The following RBMS3 variants were observed in gnomAD, a reference collection of about 807,000 sequenced individuals.
RBMS3 encodes the protein RNA-binding motif, single-stranded-interacting protein 3.
Under a neutral mutation model 66.8 loss-of-function variants are expected in RBMS3, and 27 were observed. That is an observed-to-expected ratio of 0.40 (90% CI 0.30 to 0.56). The LOEUF is 0.56. RBMS3 is among the 20% of genes least tolerant of loss of function. The pLI is 0.40. For missense variants in RBMS3, 513 were observed against 549.5 expected (o/e 0.93, Z 0.66); for synonymous variants, 188 against 183.0 (o/e 1.03, Z -0.22).
intron 1 of RBMS3, among the ~76,000 whole-genome samples, chr3:29,353,084 A>G (rs2037016601): frequency 1.3e-5 from 2 of 151,962 alleles, no homozygotes; most frequent in Non-Finnish European, 2.9e-5. Flanking sequence ...TGTTCCTAAT[A>G]TATTTTTAAT....
chr3:29,991,552 A>C (rs3773127), intron 14 of RBMS3: 42,871 of 235,130 alleles, frequency 0.18, 4,623 homozygotes, highest in East Asian at 0.36. Context: ...AATTTCAAGA[A>C]TAGTAAAGAG....
chr3:29,500,228 C>T (rs1251328821), intron 3 of RBMS3, among the ~76,000 whole-genome samples: 1 of 151,066 alleles, frequency 6.6e-6, no homozygotes, highest in Non-Finnish European at 1.5e-5. Flanking sequence ...AATTTCACAT[C>T]TAAGATATAA....
chr3:29,551,990 T>C (rs1269141007), intron 3 of RBMS3, among the ~76,000 whole-genome samples: 1 of 138,034 alleles, frequency 7.2e-6, no homozygotes, highest in East Asian at 2.0e-4. Flanking sequence ...ATAAAAATTG[T>C]TCTAACTCAC....
At chr3:29,802,833 C>A (rs1175442933) in intron 6 of RBMS3, among the ~76,000 whole-genome samples, 2 of 152,064 alleles carry the variant, frequency 1.3e-5, no homozygotes, top group Non-Finnish European at 2.9e-5. Flanking sequence ...GTAGTTGTAA[C>A]ATTTATAAAA....
Position 29,897,404 on chromosome 3 carries a change from G to A in RBMS3, c.817G>A (p.Ala273Thr). Residue 273 changes from alanine (A) to threonine (T), a missense_variant, in exon 9 of 15, where the codon GCA becomes ACA. Transcript: ENST00000383767. ...ATTTTATTCTTCACCGTACAGTATT[G>A]CAACCAACCGCATGATTCCACAGAC... ...NGFYSSPYSI[A>T]TNRMIPQTSI... 3 of 1,610,858 alleles carry A rather than the reference G, an allele frequency of 1.9e-6. No individual in the cohort carries two copies. The highest frequency in any genetic ancestry group is 2.5e-6 in the Non-Finnish European group (3 of 1,177,948).
chr3:29,342,996 A>G (rs1188298485), intron 1 of RBMS3, among the ~76,000 whole-genome samples: 1 of 152,192 alleles, frequency 6.6e-6, no homozygotes, highest in Non-Finnish European at 1.5e-5. Context: ...TAGGGCTATT[A>G]GGAAAGAATT....
intron 8 of RBMS3, among the ~76,000 whole-genome samples, chr3:29,888,942 C>G (rs1370549413): frequency 6.6e-6 from 1 of 151,538 alleles, no homozygotes; most frequent in African/African-American, 2.4e-5. Flanking sequence ...CTTTTTACTC[C>G]CTTTAATATA....
intron 6 of RBMS3, among the ~76,000 whole-genome samples, chr3:29,848,128 C>G (rs988776166): frequency 6.6e-6 from 1 of 152,152 alleles, no homozygotes; most frequent in African/African-American, 2.4e-5. Context: ...TTCTCAGTTT[C>G]TGTTGGACAT....
At chr3:29,527,771 C>T (rs1300052718) in intron 3 of RBMS3, among the ~76,000 whole-genome samples, 1 of 151,804 alleles carries the variant, frequency 6.6e-6, no homozygotes, top group Non-Finnish European at 1.5e-5. Context: ...TTAGGTATAT[C>T]TCATAATGCT....
intron 4 of RBMS3, among the ~76,000 whole-genome samples, chr3:29,645,084 A>G (rs2049865998): frequency 6.6e-6 from 1 of 152,208 alleles, no homozygotes; most frequent in African/African-American, 2.4e-5. Context: ...TGTCACAAAT[A>G]AAAAGAATAC....
intron 3 of RBMS3, among the ~76,000 whole-genome samples, chr3:29,515,242 A>G (rs2044576752): frequency 6.6e-6 from 1 of 152,230 alleles, no homozygotes; most frequent in South Asian, 2.1e-4. Context: ...GAAAAGATTT[A>G]CCTGGAAAAG....
In RBMS3 at chr3:29,665,788, C is replaced by G. The variant is rs146881629; in HGVS notation, c.400-73932C>G. On this transcript the variant is annotated intron_variant, in intron 4 of 14. Transcript: ENST00000383767. ...AAAATTAATTAATTATCACTTGCAT[C>G]TGGTACAGAGGTAGGGATTCTATAT... is the stretch of plus-strand genomic sequence containing the variant. Among the ~76,000 whole-genome samples, 1,152 of 152,268 alleles carry G rather than the reference C, an allele frequency of 7.6e-3. 42 individuals carry two copies. The highest frequency in any genetic ancestry group is 0.061 in the Admixed American group (926 of 15,286).
At chr3:29,718,924 G>A (rs1280320241) in intron 4 of RBMS3, among the ~76,000 whole-genome samples, 4 of 152,162 alleles carry the variant, frequency 2.6e-5, no homozygotes, top group African/African-American at 9.7e-5. Context: ...GCATTCCTCC[G>A]TGAATATTAG....
intron 6 of RBMS3, among the ~76,000 whole-genome samples, chr3:29,816,319 C>G (rs1394440128): frequency 1.5e-5 from 2 of 130,548 alleles, no homozygotes; most frequent in African/African-American, 5.6e-5. Flanking sequence ...CAGACACACA[C>G]ACACACACAC....
intron 5 of RBMS3, among the ~76,000 whole-genome samples, chr3:29,744,742 C>T (rs553225743): frequency 6.7e-6 from 1 of 149,672 alleles, no homozygotes; most frequent in African/African-American, 2.5e-5. Flanking sequence ...TGAGATCACA[C>T]CATTGCACTC....
At chr3:29,512,084 T>G (rs1341009862) in intron 3 of RBMS3, among the ~76,000 whole-genome samples, 1 of 152,086 alleles carries the variant, frequency 6.6e-6, no homozygotes, top group Admixed American at 6.5e-5. Flanking sequence ...CTCCTTTTCC[T>G]TATCATTTCT....
chr3:29,579,044 A>G (rs889093631), intron 3 of RBMS3, among the ~76,000 whole-genome samples: 1 of 145,088 alleles, frequency 6.9e-6, no homozygotes, highest in Non-Finnish European at 1.5e-5. Flanking sequence ...CTCATGATCC[A>G]CCCGCCTCGG....
chr3:29,801,735 C>T (rs4680729), intron 6 of RBMS3, among the ~76,000 whole-genome samples: 2 of 151,786 alleles, frequency 1.3e-5, no homozygotes, highest in South Asian at 2.1e-4. Flanking sequence ...AAAATATGGT[C>T]GCCTTCTAGA....
chr3:29,876,458 G>A (rs2059613466), intron 7 of RBMS3, among the ~76,000 whole-genome samples: 1 of 152,174 alleles, frequency 6.6e-6, no homozygotes, highest in African/African-American at 2.4e-5. Flanking sequence ...AATTATTCAT[G>A]TATTAATTCA....
Sources: gnomAD v4.1 joint callset for allele counts (sites outside exome capture counted in the v4.1 genomes callset) on GRCh38, gnomAD v4.1.1 for gene constraint, MANE v1.5 for transcripts, NCBI Gene and HGNC (gene_info 2026-07-23, HGNC 2026-07-21) for gene names.